The following NEBL variants were observed in gnomAD, a reference collection of about 807,000 sequenced individuals.
The protein encoded by NEBL is LIM and SH3 protein 2.
NEBL carries 122 observed loss-of-function variants against 140.2 expected under a neutral mutation model. The observed-to-expected ratio is 0.87, with a 90% CI of 0.75 to 1.01. NEBL has a LOEUF of 1.01. Among genes scored for constraint, NEBL ranks in the 50% least tolerant of loss-of-function variants. The pLI, the probability that NEBL is intolerant of heterozygous loss-of-function variation, is 0.00. For missense variants in NEBL, 1,365 were observed against 1,231.3 expected (o/e 1.11, Z -1.62); for synonymous variants, 436 against 398.9 (o/e 1.09, Z -1.11).
At chr10:21,055,340 G>T (rs943951808) in intron 2 of NEBL, among the ~76,000 whole-genome samples, 1 of 152,166 alleles carries the variant, frequency 6.6e-6, no homozygotes, top group Non-Finnish European at 1.5e-5. Context: ...CAGCTAACAA[G>T]AAATTTCTAA....
At chr10:21,115,202 G>T (rs1348276281) in intron 2 of NEBL, among the ~76,000 whole-genome samples, 1 of 151,540 alleles carries the variant, frequency 6.6e-6, no homozygotes, top group Non-Finnish European at 1.5e-5. Context: ...CCCCTTCCTG[G>T]CCTTTGTGCT....
At chr10:20,829,054 C>T (rs1031639510) in intron 16 of NEBL, among the ~76,000 whole-genome samples, 1 of 152,090 alleles carries the variant, frequency 6.6e-6, no homozygotes, top group Non-Finnish European at 1.5e-5. Context: ...ACTTAACACA[C>T]ACTAACTCAT....
chr10:21,234,584 G>A (rs1842324131), intron 3 of NEBL, among the ~76,000 whole-genome samples: 1 of 152,110 alleles, frequency 6.6e-6, no homozygotes, highest in South Asian at 2.1e-4. Context: ...TTAGAGCAGT[G>A]TAAAACTGAC....
chr10:20,912,598 T>A (rs543731284), intron 4 of NEBL, among the ~76,000 whole-genome samples: 1 of 152,314 alleles, frequency 6.6e-6, no homozygotes, highest in Non-Finnish European at 1.5e-5. Context: ...TAAGTCTTTA[T>A]CTCTTGCCGG....
At chr10:21,166,263 T>A (rs1036808614) in intron 2 of NEBL, among the ~76,000 whole-genome samples, 2 of 146,968 alleles carry the variant, frequency 1.4e-5, no homozygotes, top group African/African-American at 2.6e-5. Flanking sequence ...AAAAAAAATT[T>A]TCTACATCAT....
At position 21,074,070 on chromosome 10, in the gene NEBL, G is replaced by A. The variant is rs141519477; in HGVS notation, c.165-53869C>T. 7.7e-3 allele frequency among the ~76,000 whole-genome samples: 1,158 copies of A among 151,270 alleles called. 7 individuals carry two copies. Among genetic ancestry groups the A allele is most frequent in the Non-Finnish European group, 0.01 (706 of 67,894 alleles). On this transcript the variant is annotated intron_variant, in intron 2 of 6. Transcript: ENST00000417816. Reference sequence around the variant, plus strand: ...AGCCTGGGCGACAGAGTGAGACTCCGTCTCAAAAAAAAAAGAAATACCTAC... The same window carrying A: ...AGCCTGGGCGACAGAGTGAGACTCCATCTCAAAAAAAAAAGAAATACCTAC...
At chr10:21,044,744 C>G (rs924347185) in intron 2 of NEBL, among the ~76,000 whole-genome samples, 2 of 152,194 alleles carry the variant, frequency 1.3e-5, no homozygotes, top group African/African-American at 4.8e-5. Flanking sequence ...TCCGTAAGCT[C>G]TTCTCCATAA....
At chr10:21,100,414 G>A (rs1454204280) in intron 2 of NEBL, among the ~76,000 whole-genome samples, 2 of 152,164 alleles carry the variant, frequency 1.3e-5, no homozygotes, top group Admixed American at 6.5e-5. Context: ...GCGGGCTGCC[G>A]CAGTTGTTAG....
intron 2 of NEBL, among the ~76,000 whole-genome samples, chr10:21,051,394 T>C (rs1213529963): frequency 6.6e-6 from 1 of 152,206 alleles, no homozygotes; most frequent in Non-Finnish European, 1.5e-5. Flanking sequence ...TGTAAAGCAG[T>C]AGGGATTTTG....
intron 2 of NEBL, among the ~76,000 whole-genome samples, chr10:21,137,233 TCCAAAGAA>T (rs1839393903): frequency 1.3e-5 from 2 of 152,200 alleles, no homozygotes; most frequent in African/African-American, 2.4e-5. Flanking sequence ...GTTGTTAAAA[TCCAAAGAA>T]ATATATTTTT....
chr10:21,218,750 G>C (rs1842031349), intron 3 of NEBL, among the ~76,000 whole-genome samples: 1 of 152,174 alleles, frequency 6.6e-6, no homozygotes, highest in South Asian at 2.1e-4. Flanking sequence ...GAAGTGATCA[G>C]ACTTGGGGAC....
At chr10:21,214,232 GCTTT>G (rs1463720005) in intron 3 of NEBL, among the ~76,000 whole-genome samples, 6 of 151,606 alleles carry the variant, frequency 4.0e-5, no homozygotes, top group Non-Finnish European at 5.9e-5. Context: ...AAAGAAAAGT[GCTTT>G]CTATCTTATG....
intron 2 of NEBL, among the ~76,000 whole-genome samples, chr10:21,023,692 C>T (rs528848498): frequency 1.1e-3 from 171 of 149,264 alleles, no homozygotes; most frequent in South Asian, 2.1e-3. Context: ...GAGACTCCAT[C>T]TCAAAAATAA....
intron 4 of NEBL, among the ~76,000 whole-genome samples, chr10:20,920,177 C>A (rs976215246): frequency 4.6e-5 from 7 of 152,146 alleles, no homozygotes; most frequent in African/African-American, 1.2e-4. Context: ...GAAAAACAGG[C>A]CCTGTCATAT....
intron 3 of NEBL, among the ~76,000 whole-genome samples, chr10:20,985,663 G>C (rs1336439241): frequency 6.6e-6 from 1 of 152,074 alleles, no homozygotes; most frequent in Non-Finnish European, 1.5e-5. Flanking sequence ...TACTGTTTTA[G>C]TTGAAATAAA....
intron 3 of NEBL, among the ~76,000 whole-genome samples, chr10:21,192,162 C>T (rs1841584100): frequency 6.6e-6 from 1 of 151,944 alleles, no homozygotes; most frequent in Admixed American, 6.6e-5. Flanking sequence ...CATTCATTCA[C>T]TCATTCCCTC....
intron 4 of NEBL, among the ~76,000 whole-genome samples, chr10:20,884,070 A>G (rs1385874031): frequency 1.3e-5 from 2 of 152,220 alleles, no homozygotes; most frequent in African/African-American, 4.8e-5. Flanking sequence ...TTGCCATGTT[A>G]CTAGGAACCT....
Position 20,819,477 on chromosome 10 carries a change from TTACCGGAGTGGCCTTGTA to T in NEBL, c.1984_2001del (p.Tyr662_Val667del). 1 of 1,614,064 alleles carries T rather than the reference TTACCGGAGTGGCCTTGTA, an allele frequency of 6.2e-7. No individual in the cohort carries two copies. Among genetic ancestry groups the T allele is most frequent in the Non-Finnish European group, 8.5e-7 (1 of 1,179,934 alleles). Reference sequence around the variant, plus strand: ...ACTCTCTCTATCTCCGGGGTCATGCTTACCGGAGTGGCCTTGTAGTTTTGCTCTTTATACTGGAGCTGA... The same window carrying T: ...ACTCTCTCTATCTCCGGGGTCATGCTGTTTTGCTCTTTATACTGGAGCTGA... On this transcript the variant is annotated inframe_deletion, in exon 20 of 28. Transcript: ENST00000377122.
intron 2 of NEBL, among the ~76,000 whole-genome samples, chr10:21,054,631 A>G (rs1834929716): frequency 6.6e-6 from 1 of 152,242 alleles, no homozygotes; most frequent in African/African-American, 2.4e-5. Flanking sequence ...TCTTGGATAC[A>G]GATGAAAGGA....
Sources: gnomAD v4.1 joint callset for allele counts (sites outside exome capture counted in the v4.1 genomes callset) on GRCh38, gnomAD v4.1.1 for gene constraint, MANE v1.5 for transcripts, NCBI Gene and HGNC (gene_info 2026-07-23, HGNC 2026-07-21) for gene names.